The following PLAA variants were observed in gnomAD, a reference collection of about 807,000 sequenced individuals.
PLAA encodes phospholipase A2 activating protein.
Under a neutral mutation model 84.1 loss-of-function variants are expected in PLAA, and 48 were observed. That is an observed-to-expected ratio of 0.57 (90% CI 0.45 to 0.73). PLAA has a LOEUF of 0.73. PLAA is among the 30% of genes least tolerant of loss of function. PLAA has a pLI of 0.00. For missense variants in PLAA, 903 were observed against 954.7 expected, an observed-to-expected ratio of 0.95 and a Z score of 0.71; for synonymous variants, 392 against 336.6, an observed-to-expected ratio of 1.16 and a Z score of -1.80.
intron 1 of PLAA, among the ~76,000 whole-genome samples, chr9:26,936,250 GA>G (rs148917351): frequency 3.3e-4 from 49 of 147,934 alleles, no homozygotes; most frequent in Middle Eastern, 3.4e-3. Context: ...CAAGGAGAAT[GA>G]AAAAAAAAAT....
intron 7 of PLAA, among the ~76,000 whole-genome samples, chr9:26,921,800 GT>G (rs1824770573): frequency 6.6e-6 from 1 of 152,054 alleles, no homozygotes; most frequent in Non-Finnish European, 1.5e-5. Flanking sequence ...TATTCATACA[GT>G]TTATTATTCA....
In PLAA at chr9:26,928,470, T is replaced by C; in HGVS notation, c.344-62A>G. On this transcript the variant is annotated intron_variant, in intron 2 of 13. Transcript: ENST00000397292. ...ACAGAAAAATGCTCAACATTGAAAG[T>C]TACTAAAGCATTCCAATTTTAAAAA... 1.2e-5 allele frequency: 14 copies of C among 1,137,808 alleles called. 1 individual carries two copies. Among genetic ancestry groups the C allele is most frequent in the Non-Finnish European group, 1.9e-5 (14 of 752,244 alleles). The allele number at this position is 1,137,808 out of a possible 1,614,324, so 70.5% of individuals were successfully genotyped here. A position where few individuals can be genotyped will look rare whatever the true frequency, so the allele number is the denominator to read the frequency against.
At chr9:26,930,901 A>G (rs1825162771) in intron 2 of PLAA, among the ~76,000 whole-genome samples, 1 of 152,012 alleles carries the variant, frequency 6.6e-6, no homozygotes, top group African/African-American at 2.4e-5. Flanking sequence ...TAATAGTTGT[A>G]ACTTGGGTGC....
chr9:26,910,447 A>G lies in PLAA; in HGVS notation c.1556-8T>C. The G allele has an allele frequency of 6.3e-7, 1 of 1,580,368 alleles. No homozygotes were observed. On this transcript the variant is annotated splice_polypyrimidine_tract_variant and splice_region_variant and intron_variant, in intron 11 of 13. Coordinates refer to ENST00000397292, the MANE Select transcript of PLAA (RefSeq NM_001031689.3). ...ATCGGTAGGCACTATTCCCTATTTA[A>G]AGAATAGAAGATGATGATAATCACA...
intron 2 of PLAA, among the ~76,000 whole-genome samples, chr9:26,928,839 A>G (rs570300756): frequency 1.3e-5 from 2 of 152,374 alleles, no homozygotes; most frequent in South Asian, 4.1e-4. Flanking sequence ...GTCCAAAAGT[A>G]ATGAAGTGGT....
rs200231288 is a variant in PLAA, at chr9:26,919,391, G to T, written c.1336C>A (p.Gln446Lys). 5 of 1,613,004 alleles carry T rather than the reference G, an allele frequency of 3.1e-6. No homozygotes were observed. In the Admixed American group the frequency reaches 8.3e-5, roughly 27 times the overall value. The change falls in exon 9 of 14, where the codon CAA becomes AAA. Residue 446 changes from glutamine (Q) to lysine (K), a missense_variant. By Grantham distance (53) the Gln-to-Lys change is moderately conservative. Coordinates refer to ENST00000397292, the MANE Select transcript of PLAA (RefSeq NM_001031689.3). ...KNDLNPMFLD[Q>K]VAKFIIDNTK... is the part of the protein sequence containing the mutation. ...TTATCAATAATAAATTTAGCTACTT[G>T]ATCCAGAAACATAGGATTCAAATCA...
intron 11 of PLAA, 68 bp from the exon 12 acceptor site, chr9:26,910,507 T>C (rs1824367163): frequency 5.0e-6 from 6 of 1,207,680 alleles, no homozygotes; most frequent in East Asian, 4.7e-5. Context: ...TCTAACTATA[T>C]GACTTAGTTT....
intron 1 of PLAA, among the ~76,000 whole-genome samples, chr9:26,941,867 T>C (rs557769537): frequency 1.3e-5 from 2 of 152,014 alleles, no homozygotes; most frequent in East Asian, 1.9e-4. Flanking sequence ...AAAGAATTAA[T>C]TGAAGAACAT....
intron 1 of PLAA, 59 bp from the exon 2 acceptor site, chr9:26,935,265 A>G: frequency 1.8e-6 from 2 of 1,098,646 alleles, no homozygotes; most frequent in Non-Finnish European, 1.3e-6. Flanking sequence ...CCTAGGACAT[A>G]AACTGTCAAA....
intron 2 of PLAA, among the ~76,000 whole-genome samples, chr9:26,932,441 G>C (rs945388039): frequency 6.6e-6 from 1 of 152,216 alleles, no homozygotes; most frequent in Non-Finnish European, 1.5e-5. Context: ...TCAAATTTCA[G>C]TGTTCACAAA....
chr9:26,914,417 G>C (rs1458094938), intron 10 of PLAA, among the ~76,000 whole-genome samples: 2 of 152,102 alleles, frequency 1.3e-5, no homozygotes, highest in Non-Finnish European at 2.9e-5. Context: ...TAAGTATAGA[G>C]AGAGAATCAG....
intron 13 of PLAA, 31 bp from the exon 14 acceptor site, chr9:26,906,107 T>A (rs756154466): frequency 7.5e-7 from 1 of 1,339,122 alleles, no homozygotes; most frequent in Non-Finnish European, 9.8e-7. Flanking sequence ...TTAATGCTTA[T>A]GAAAATAAAG....
rs754239487 is a variant in PLAA, at chr9:26,905,778, C to G, written c.2121G>C (p.Leu707=). The G allele has an allele frequency of 3.4e-5, 55 of 1,614,068 alleles. No individual in the cohort carries two copies. Among genetic ancestry groups the G allele is most frequent in the Admixed American group, 6.7e-5 (4 of 60,004 alleles). ...NIHIALATLA[L]NYSVCFHKDH... is the part of the protein sequence containing the mutation. ...CTTTATGAAAACAAACAGAATAGTT[C>G]AGGGCCAATGTAGCCAGAGCAATGT... The change falls in exon 14 of 14, where the codon CTG becomes CTC. Residue 707 remains leucine (L), a synonymous_variant. Coordinates refer to ENST00000397292, the MANE Select transcript of PLAA (RefSeq NM_001031689.3).
In PLAA at chr9:26,904,053, C is replaced by T. The variant is rs1824157718; in HGVS notation, c.*1458G>A. On this transcript the variant is annotated 3_prime_UTR_variant, in exon 14 of 14. Coordinates refer to ENST00000397292, the MANE Select transcript of PLAA (RefSeq NM_001031689.3). ...ATAGGTACTCAACTGAGCCAGTGAA[C>T]AGAATATTTAGTCCAGGTACACACC... The T allele has an allele frequency of 6.5e-6, 1 of 153,536 alleles. No homozygotes were observed. The highest frequency in any genetic ancestry group is 6.5e-5 in the Admixed American group (1 of 15,276). The allele number at this position is 153,536 out of a possible 1,614,324, so 9.5% of individuals were successfully genotyped here. A position where few individuals can be genotyped will look rare whatever the true frequency, so the allele number is the denominator to read the frequency against.
At chr9:26,924,850 C>T (rs1004899870) in intron 6 of PLAA, among the ~76,000 whole-genome samples, 8 of 152,108 alleles carry the variant, frequency 5.3e-5, no homozygotes, top group Admixed American at 2.0e-4. Context: ...GGAAGCTTTG[C>T]GAAATCTTTA....
rs142678137 is a variant in PLAA at position 26,947,000 on chromosome 9, C to T, written c.46G>A (p.Gly16Ser). 8.8e-6 allele frequency: 14 copies of T among 1,594,442 alleles called. No individual in the cohort carries two copies. The African/African-American group carries it at 1.2e-4, about 14-fold the overall frequency. ...TRYRLSCSLR[G>S]HELDVRGLVC... Reference sequence around the variant, plus strand: ...AGGCCCCGTACGTCCAGCTCGTGGCCCCGGAGCGAGCAGCTCAGCCGGTAC... The same window carrying T: ...AGGCCCCGTACGTCCAGCTCGTGGCTCCGGAGCGAGCAGCTCAGCCGGTAC... The change falls in exon 1 of 14, where the codon GGC (glycine) becomes AGC (serine). Residue 16 changes from glycine (G) to serine (S), a missense_variant. Coordinates refer to ENST00000397292, the MANE Select transcript of PLAA (RefSeq NM_001031689.3).
Position 26,923,323 on chromosome 9 carries a change from T to C in PLAA, c.894A>G (p.Thr298=), listed in dbSNP as rs768117323. Residue 298 remains threonine (T), a synonymous_variant, in exon 7 of 14, where the codon ACA becomes ACG. Transcript: ENST00000397292. ...CACTTGCTGTTCGATCTTCTGATTC[T>C]GTAAACACTCTAATAATGCCATCAC... is the stretch of plus-strand genomic sequence containing the variant. ...GASDGIIRVF[T]ESEDRTASAE... 1.2e-6 allele frequency: 2 copies of C among 1,612,202 alleles called. No individual in the cohort carries two copies. Among genetic ancestry groups the C allele is most frequent in the Non-Finnish European group, 1.7e-6 (2 of 1,178,870 alleles).
chr9:26,921,532 T>C (rs1824759159), intron 7 of PLAA, among the ~76,000 whole-genome samples: 2 of 152,318 alleles, frequency 1.3e-5, no homozygotes, highest in South Asian at 2.1e-4. Context: ...AAAAAGAAAA[T>C]CCAGCCTAAC....
intron 2 of PLAA, among the ~76,000 whole-genome samples, chr9:26,931,674 G>A (rs1380901036): frequency 6.6e-6 from 1 of 152,158 alleles, no homozygotes; most frequent in Non-Finnish European, 1.5e-5. Flanking sequence ...CAGTAAAACT[G>A]AGATTGTGGG....
Sources: allele counts gnomAD v4.1 joint callset (sites outside exome capture counted in the v4.1 genomes callset), GRCh38; gene constraint gnomAD v4.1.1; transcripts MANE v1.5; gene names NCBI Gene and HGNC (gene_info 2026-07-23, HGNC 2026-07-21).